EYS: variants seen among roughly 807,000 people sequenced by gnomAD.
EYS encodes protein eyes shut homolog.
A neutral mutation model predicts 282.1 loss-of-function variants in EYS; 250 were observed. The observed-to-expected ratio is 0.89, with a 90% CI of 0.80 to 0.98. The LOEUF is 0.98. Ranked by LOEUF, EYS falls within the 50% of genes least tolerant of loss-of-function variation. The pLI is 0.00. For synonymous variants in EYS, 1,355 were observed against 1,282.9 expected (o/e 1.06, Z -1.20); for missense variants, 4,016 against 3,709.0 (o/e 1.08, Z -2.15).
chr6:64,419,498 C>T (rs977468462), intron 28 of EYS, among the ~76,000 whole-genome samples: 4 of 152,186 alleles, frequency 2.6e-5, no homozygotes, highest in African/African-American at 9.7e-5. Context: ...TCCAAAGTCT[C>T]ATCTGAGACA....
In EYS at chr6:64,800,411, C is replaced by T. The variant is rs369039180; in HGVS notation, c.3443+12967G>A. ...TTTATTGTGGAAGAGTTAGAACTTT[C>T]TGAAAATCTCTTTTAAACCACTGAA... On this transcript the variant is annotated intron_variant, in intron 22 of 42. Coordinates refer to ENST00000503581, the MANE Select transcript of EYS (RefSeq NM_001142800.2). Among the ~76,000 whole-genome samples, 8 of 152,090 alleles carry T rather than the reference C, an allele frequency of 5.3e-5. No homozygotes were observed. The East Asian group carries it at 1.5e-3, about 29-fold the overall frequency.
chr6:64,511,881 T>C (rs1777417478), intron 26 of EYS, among the ~76,000 whole-genome samples: 1 of 152,046 alleles, frequency 6.6e-6, no homozygotes, highest in Non-Finnish European at 1.5e-5. Flanking sequence ...GATGCTAGCT[T>C]CCTAAAATGT....
intron 12 of EYS, among the ~76,000 whole-genome samples, chr6:65,272,720 A>G (rs910616036): frequency 2.0e-5 from 3 of 152,208 alleles, no homozygotes; most frequent in Admixed American, 2.0e-4. Context: ...ACAGTAATGA[A>G]TACATTAATG....
At chr6:65,314,862 T>C (rs1255268720) in intron 11 of EYS, among the ~76,000 whole-genome samples, 6 of 152,108 alleles carry the variant, frequency 3.9e-5, no homozygotes, top group Admixed American at 2.0e-4. Flanking sequence ...AACAATCCCA[T>C]ACAGAAGGGT....
intron 12 of EYS, among the ~76,000 whole-genome samples, chr6:65,242,607 A>T (rs945396300): frequency 2.6e-5 from 4 of 152,068 alleles, no homozygotes; most frequent in African/African-American, 9.7e-5. Context: ...CTGTAGATAC[A>T]TATTTTCAAT....
intron 22 of EYS, among the ~76,000 whole-genome samples, chr6:64,758,635 A>G (rs1773055446): frequency 6.6e-6 from 1 of 152,004 alleles, no homozygotes. Flanking sequence ...CATTCCCTCC[A>G]CTGCAGTTTG....
At chr6:65,676,307 A>G (rs1282494346) in intron 1 of EYS, among the ~76,000 whole-genome samples, 1 of 151,858 alleles carries the variant, frequency 6.6e-6, no homozygotes, top group African/African-American at 2.4e-5. Context: ...TTGAAATATC[A>G]ACAAAATTGA....
At chr6:63,794,092 C>T (rs1229265701) in intron 37 of EYS, among the ~76,000 whole-genome samples, 1 of 152,184 alleles carries the variant, frequency 6.6e-6, no homozygotes, top group East Asian at 1.9e-4. Flanking sequence ...TTCAGCACTC[C>T]CTTCCCAAAT....
At chr6:63,995,171 A>G (rs960141232) in intron 34 of EYS, among the ~76,000 whole-genome samples, 4 of 152,006 alleles carry the variant, frequency 2.6e-5, no homozygotes, top group African/African-American at 7.2e-5. Context: ...TCTACAACTC[A>G]ATAGCAATGA....
chr6:64,085,365 C>CACACACACACACACACACAG (rs1387125321), intron 31 of EYS, among the ~76,000 whole-genome samples: 7 of 151,674 alleles, frequency 4.6e-5, no homozygotes, highest in African/African-American at 1.5e-4. Context: ...CACACACACA[C>CACACACACACACACACACAG]AGTGCTGCTT....
chr6:64,792,827 T>C (rs1161573133), intron 22 of EYS, among the ~76,000 whole-genome samples: 3 of 140,678 alleles, frequency 2.1e-5, no homozygotes, highest in African/African-American at 7.6e-5. Context: ...GTCAAAGTCA[T>C]AATTGTTTTA....
Position 64,859,702 on chromosome 6 carries a change from A to C in EYS, c.2992+26995T>G, listed in dbSNP as rs148313847. ...CCTTTCACTTTCCCCTGTGATTGTG[A>C]GGCCTCCCCAGCCACGTGGAACTGT... On this transcript the variant is annotated intron_variant, in intron 19 of 42. Transcript: ENST00000503581. Among the ~76,000 whole-genome samples the C allele has an allele frequency of 1.8e-3, 271 of 152,298 alleles. 1 individual carries two copies. Among genetic ancestry groups the C allele is most frequent in the Admixed American group, 3.2e-3 (49 of 15,294 alleles).
At chr6:64,506,640 T>G (rs9345180) in intron 26 of EYS, among the ~76,000 whole-genome samples, 2 of 151,890 alleles carry the variant, frequency 1.3e-5, no homozygotes, top group Non-Finnish European at 2.9e-5. Context: ...AGGCCGGGCA[T>G]GGTGGCCCAC....
chr6:63,828,212 A>C (rs1771528175), intron 36 of EYS, among the ~76,000 whole-genome samples: 1 of 152,202 alleles, frequency 6.6e-6, no homozygotes, highest in Admixed American at 6.5e-5. Flanking sequence ...AACCAGCAGA[A>C]GAAAGGAAAT....
At chr6:64,488,723 C>T (rs1004822147) in intron 26 of EYS, among the ~76,000 whole-genome samples, 9 of 150,918 alleles carry the variant, frequency 6.0e-5, no homozygotes, top group Admixed American at 1.3e-4. Context: ...GAAAAGTAAA[C>T]GTAGCAGAGG....
intron 1 of EYS, among the ~76,000 whole-genome samples, chr6:65,673,301 T>A (rs1281551197): frequency 6.6e-6 from 1 of 151,248 alleles, no homozygotes; most frequent in Non-Finnish European, 1.5e-5. Flanking sequence ...GAACGTAGAG[T>A]GGGAGAGATT....
chr6:64,425,682 A>G (rs1441749116), intron 28 of EYS, among the ~76,000 whole-genome samples: 1 of 146,702 alleles, frequency 6.8e-6, no homozygotes, highest in Non-Finnish European at 1.5e-5. Flanking sequence ...AAAAAAAAGG[A>G]AGCTTTGACC....
chr6:64,199,971 T>A (rs1765411822), intron 31 of EYS, among the ~76,000 whole-genome samples: 1 of 151,982 alleles, frequency 6.6e-6, no homozygotes, highest in South Asian at 2.1e-4. Flanking sequence ...TGTGATGTAC[T>A]AAGACAAGGA....
At chr6:65,568,687 T>C (rs1582466304) in intron 2 of EYS, among the ~76,000 whole-genome samples, 1 of 152,312 alleles carries the variant, frequency 6.6e-6, no homozygotes, top group East Asian at 1.9e-4. Flanking sequence ...GTTTCGAAAG[T>C]GGCTCACTTA....
Sources: gnomAD v4.1 joint callset for allele counts (sites outside exome capture counted in the v4.1 genomes callset) on GRCh38, gnomAD v4.1.1 for gene constraint, MANE v1.5 for transcripts, NCBI Gene and HGNC (gene_info 2026-07-23, HGNC 2026-07-21) for gene names.